Variants in MEGF10 observed in about 807,000 individuals in gnomAD.
MEGF10 encodes the protein multiple epidermal growth factor-like domains protein 10.
In MEGF10, 86 loss-of-function variants were observed where a neutral mutation model predicts 147.5. The ratio of observed to expected loss-of-function variants is 0.58; its 90% CI spans 0.49 to 0.70. The LOEUF (loss-of-function observed/expected upper bound fraction) is 0.70, where lower values mean the gene tolerates loss of function less well. MEGF10 is among the 30% of genes least tolerant of loss of function. The probability of loss-of-function intolerance (pLI) is 0.00; values close to 1 mark genes in which losing one functional copy is unlikely to be tolerated. For synonymous variants in MEGF10, 478 were observed against 525.5 expected, an observed-to-expected ratio of 0.91 and a Z score of 1.24; for missense variants, 1,329 against 1,487.3, an observed-to-expected ratio of 0.89 and a Z score of 1.75.
the MEGF10 span, among the ~76,000 whole-genome samples, chr5:127,261,762 C>G: frequency 6.6e-6 from 1 of 152,146 alleles, no homozygotes; most frequent in Admixed American, 6.5e-5. Flanking sequence ...ACTGGCAGTT[C>G]TTATTATCTG....
chr5:127,247,446 G>C, the MEGF10 span, among the ~76,000 whole-genome samples: 409 of 120,508 alleles, frequency 3.4e-3, 80 homozygotes, highest in African/African-American at 0.014. Context: ...AGAAGAAGAA[G>C]AAGAAGAAGA....
intron 1 of MEGF10, among the ~76,000 whole-genome samples, chr5:127,313,521 T>C (rs1216153782): frequency 6.6e-6 from 1 of 152,240 alleles, no homozygotes; most frequent in East Asian, 1.9e-4. Flanking sequence ...TTAACATTTG[T>C]ACACACTTAT....
intron 1 of MEGF10, among the ~76,000 whole-genome samples, chr5:127,302,463 G>A (rs1759817571): frequency 6.6e-6 from 1 of 152,152 alleles, no homozygotes; most frequent in African/African-American, 2.4e-5. Flanking sequence ...GATTTCCAGG[G>A]TCTGGGGGAA....
chr5:127,239,376 GACACACACAC>G, the MEGF10 span, among the ~76,000 whole-genome samples: 37 of 123,482 alleles, frequency 3.0e-4, no homozygotes, highest in Middle Eastern at 4.1e-3. Flanking sequence ...GATGATGGAA[GACACACACAC>G]ACACACACAC....
At chr5:127,412,501 T>C (rs563632489) in intron 9 of MEGF10, among the ~76,000 whole-genome samples, 13 of 152,234 alleles carry the variant, frequency 8.5e-5, no homozygotes, top group Non-Finnish European at 1.9e-4. Flanking sequence ...GCCTTGCTGT[T>C]ACATAATTTA....
At chr5:127,365,776 G>A (rs1199480723) in intron 4 of MEGF10, among the ~76,000 whole-genome samples, 3 of 152,074 alleles carry the variant, frequency 2.0e-5, no homozygotes, top group South Asian at 4.2e-4. Context: ...CTTAAAGATC[G>A]GTGCAGAAAA....
intron 1 of MEGF10, among the ~76,000 whole-genome samples, chr5:127,318,773 A>G (rs373959770): frequency 3.0e-4 from 46 of 152,278 alleles, no homozygotes; most frequent in African/African-American, 1.1e-3. Flanking sequence ...TAAAAGTTGT[A>G]AAACTATGTA....
chr5:127,244,025 C>T, the MEGF10 span, among the ~76,000 whole-genome samples: 2 of 151,114 alleles, frequency 1.3e-5, no homozygotes, highest in Non-Finnish European at 2.9e-5. Context: ...GGAGAAACCC[C>T]GTCTCTACTA....
chr5:127,349,416 A>G (rs143891307), intron 4 of MEGF10, among the ~76,000 whole-genome samples: 305 of 152,338 alleles, frequency 2.0e-3, no homozygotes, highest in Admixed American at 4.4e-3. Flanking sequence ...AGTATTAAAT[A>G]TAGTCCCATT....
At chr5:127,390,728 A>G (rs560687736) in intron 5 of MEGF10, among the ~76,000 whole-genome samples, 1 of 152,312 alleles carries the variant, frequency 6.6e-6, no homozygotes, top group East Asian at 1.9e-4. Context: ...CCAGCTGCCT[A>G]TTCCTGGAAA....
chr5:127,389,192 C>T (rs1435832469), intron 5 of MEGF10, among the ~76,000 whole-genome samples: 1 of 152,172 alleles, frequency 6.6e-6, no homozygotes, highest in Non-Finnish European at 1.5e-5. Context: ...CCTAAATATC[C>T]TCTATGTGCT....
Position 127,340,550 on chromosome 5 carries a change from A to G in MEGF10, c.239A>G (p.Tyr80Cys). The G allele has an allele frequency of 6.2e-7, 1 of 1,612,798 alleles. No individual in the cohort carries two copies. The highest frequency in any genetic ancestry group is 8.5e-7 in the Non-Finnish European group (1 of 1,179,072). Residue 80 changes from tyrosine (Y) to cysteine (C), a missense_variant, in exon 4 of 25, where the codon TAT becomes TGT. By Grantham distance (194) the Tyr-to-Cys change is radical (BLOSUM62 -2). Coordinates refer to ENST00000503335, the MANE Select transcript of MEGF10 (RefSeq NM_001256545.2). Reference protein sequence around the residue: ...TRHRVSYRTAYRHGEKTMYRR... With the variant: ...TRHRVSYRTACRHGEKTMYRR... ...TATAGAGTCAGCTATCGGACAGCCT[A>G]TCGACATGGGGAGAAGACTATGTAT...
intron 5 of MEGF10, among the ~76,000 whole-genome samples, chr5:127,395,410 C>T (rs931810855): frequency 2.0e-5 from 3 of 151,726 alleles, no homozygotes; most frequent in African/African-American, 4.8e-5. Flanking sequence ...TTGGATTCTT[C>T]GGCTTCAGGC....
chr5:127,251,961 T>A, the MEGF10 span, among the ~76,000 whole-genome samples: 1 of 151,950 alleles, frequency 6.6e-6, no homozygotes, highest in African/African-American at 2.4e-5. Flanking sequence ...GAATGATGGA[T>A]ATTAAAAAGC....
At chr5:127,319,842 C>T (rs1436086532) in intron 1 of MEGF10, among the ~76,000 whole-genome samples, 2 of 152,192 alleles carry the variant, frequency 1.3e-5, no homozygotes, top group Non-Finnish European at 2.9e-5. Context: ...GTAATTGCAT[C>T]TTTATTATCT....
At chr5:127,279,983 T>C in the MEGF10 span, among the ~76,000 whole-genome samples, 8 of 152,224 alleles carry the variant, frequency 5.3e-5, no homozygotes, top group South Asian at 2.1e-4. Flanking sequence ...AAAATAGCAA[T>C]AACTCACTAG....
At chr5:127,315,450 T>C (rs998430800) in intron 1 of MEGF10, among the ~76,000 whole-genome samples, 2 of 152,118 alleles carry the variant, frequency 1.3e-5, no homozygotes, top group Non-Finnish European at 2.9e-5. Context: ...CCATCACAGA[T>C]CTTAATTCCT....
At chr5:127,396,963 C>T (rs1763940309) in intron 6 of MEGF10, among the ~76,000 whole-genome samples, 185 bp downstream of exon 6, 1 of 152,186 alleles carries the variant, frequency 6.6e-6, no homozygotes, top group Admixed American at 6.5e-5. Flanking sequence ...TGCTGTTTGG[C>T]CCTTGCACAT....
chr5:127,279,126 T>C, the MEGF10 span, among the ~76,000 whole-genome samples: 1 of 152,138 alleles, frequency 6.6e-6, no homozygotes, highest in South Asian at 2.1e-4. Context: ...TAAATTACCA[T>C]GATGACTGAC....
Sources: allele counts gnomAD v4.1 joint callset (sites outside exome capture counted in the v4.1 genomes callset), GRCh38; gene constraint gnomAD v4.1.1; transcripts MANE v1.5; gene names NCBI Gene and HGNC (gene_info 2026-07-23, HGNC 2026-07-21).